ARHGEF3: variants seen among roughly 807,000 people sequenced by gnomAD.
The protein encoded by ARHGEF3 is Rho guanine nucleotide exchange factor 3.
Under a neutral mutation model 63.2 loss-of-function variants are expected in ARHGEF3, and 28 were observed. The ratio of observed to expected loss-of-function variants is 0.44; its 90% CI spans 0.33 to 0.61. The LOEUF is 0.61. Among genes scored for constraint, ARHGEF3 ranks in the 20% least tolerant of loss-of-function variants. ARHGEF3 has a pLI of 0.03. For synonymous variants in ARHGEF3, 266 were observed against 254.2 expected, an observed-to-expected ratio of 1.05 and a Z score of -0.44; for missense variants, 533 against 659.3, an observed-to-expected ratio of 0.81 and a Z score of 2.10.
At chr3:56,961,737 G>A (rs1013500150) in intron 2 of ARHGEF3, among the ~76,000 whole-genome samples, 2 of 152,030 alleles carry the variant, frequency 1.3e-5, no homozygotes, top group African/African-American at 4.8e-5. Flanking sequence ...ATTCACATTA[G>A]CTACAGTCCC....
At chr3:56,814,322 A>G (rs2108014341) in intron 4 of ARHGEF3, among the ~76,000 whole-genome samples, 1 of 152,202 alleles carries the variant, frequency 6.6e-6, no homozygotes, top group East Asian at 1.9e-4. Context: ...TAAGCTCATC[A>G]GCTATTGTTA....
intron 2 of ARHGEF3, among the ~76,000 whole-genome samples, chr3:56,771,129 T>A (rs1179858551): frequency 2.0e-5 from 3 of 150,838 alleles, no homozygotes. Context: ...AAAAAAAAAA[T>A]TATTTTGCCA....
chr3:57,010,653 T>C (rs1702659858), intron 2 of ARHGEF3, among the ~76,000 whole-genome samples: 2 of 152,156 alleles, frequency 1.3e-5, no homozygotes, highest in African/African-American at 4.8e-5. Flanking sequence ...ACATGCCAAC[T>C]TTAGGTGTGT....
chr3:56,737,385 G>A (rs755896805), intron 7 of ARHGEF3, 30 bp from the exon 8 acceptor site: 5 of 1,578,566 alleles, frequency 3.2e-6, no homozygotes, highest in Non-Finnish European at 4.3e-6. Flanking sequence ...AATTAAGTAT[G>A]GAGGAAAGCA....
At chr3:56,811,178 A>G (rs1160784291) in intron 4 of ARHGEF3, among the ~76,000 whole-genome samples, 1 of 152,232 alleles carries the variant, frequency 6.6e-6, no homozygotes, top group African/African-American at 2.4e-5. Context: ...TAAGCCACCC[A>G]CTAGGAGATG....
chr3:56,818,071 A>G (rs1315751779), intron 4 of ARHGEF3, among the ~76,000 whole-genome samples: 1 of 152,172 alleles, frequency 6.6e-6, no homozygotes, highest in Non-Finnish European at 1.5e-5. Flanking sequence ...AATCACTTAC[A>G]TTTTATACCC....
At chr3:56,965,913 G>A (rs1049639047) in intron 2 of ARHGEF3, among the ~76,000 whole-genome samples, 71 of 152,080 alleles carry the variant, frequency 4.7e-4, no homozygotes, top group African/African-American at 1.7e-3. Flanking sequence ...CTCCCAAAGT[G>A]CTGGGATTAC....
intron 4 of ARHGEF3, among the ~76,000 whole-genome samples, chr3:56,752,082 C>CT (rs11328785): frequency 7.6e-4 from 112 of 148,098 alleles, no homozygotes; most frequent in African/African-American, 1.9e-3. Flanking sequence ...ATATTTTTTT[C>CT]TTTTTTTTTT....
chr3:56,768,882 A>C (rs1033808073), intron 2 of ARHGEF3, among the ~76,000 whole-genome samples: 3 of 152,206 alleles, frequency 2.0e-5, no homozygotes, highest in Admixed American at 2.0e-4. Context: ...ATCCACAGTC[A>C]CTGTGGGAGG....
At chr3:56,972,533 T>C (rs1224549983) in intron 2 of ARHGEF3, among the ~76,000 whole-genome samples, 1 of 151,700 alleles carries the variant, frequency 6.6e-6, no homozygotes, top group Admixed American at 6.6e-5. Flanking sequence ...CAAAGCAGGG[T>C]AGGGGATCGG....
intron 4 of ARHGEF3, among the ~76,000 whole-genome samples, chr3:56,824,054 G>C (rs1309680330): frequency 6.6e-6 from 1 of 151,602 alleles, no homozygotes; most frequent in Admixed American, 6.6e-5. Context: ...CAGTCCTTCA[G>C]GGAGTTAGTG....
chr3:56,861,095 G>A (rs992928726), intron 4 of ARHGEF3, among the ~76,000 whole-genome samples: 2 of 152,222 alleles, frequency 1.3e-5, no homozygotes, highest in African/African-American at 4.8e-5. Context: ...AAGAAACCAT[G>A]TCGGCTTTAG....
chr3:56,737,053 G>T (rs2033671048), intron 8 of ARHGEF3, 132 bp downstream of exon 8: 1 of 1,054,414 alleles, frequency 9.5e-7, no homozygotes, highest in Non-Finnish European at 1.3e-6. Context: ...CAGCCTGGGT[G>T]ACAAAGCGAG....
intron 3 of ARHGEF3, among the ~76,000 whole-genome samples, chr3:56,896,680 T>C (rs1003857868): frequency 1.3e-5 from 2 of 152,246 alleles, no homozygotes; most frequent in African/African-American, 4.8e-5. Context: ...AGTTACGTTG[T>C]ATAATTTCCC....
intron 4 of ARHGEF3, among the ~76,000 whole-genome samples, chr3:56,840,247 A>G (rs1245468419): frequency 6.6e-6 from 1 of 152,190 alleles, no homozygotes; most frequent in Non-Finnish European, 1.5e-5. Flanking sequence ...ACAACAGGAA[A>G]AAACACCCCC....
chr3:57,034,240 C>T (rs1703855313), intron 2 of ARHGEF3, among the ~76,000 whole-genome samples: 1 of 150,518 alleles, frequency 6.6e-6, no homozygotes, highest in Non-Finnish European at 1.5e-5. Flanking sequence ...CTGAGGCAAT[C>T]CTCTTGCCTC....
At position 56,924,282 on chromosome 3, in the gene ARHGEF3, A is replaced by T. The variant is rs1266940071; in HGVS notation, c.129+34541T>A. ...CCAAATTCAGCACTCTTTTTAAAAAAATCATTGTCTAAGAGGAAAGCAGTC... is the reference window on the plus strand; with the variant it reads ...CCAAATTCAGCACTCTTTTTAAAAATATCATTGTCTAAGAGGAAAGCAGTC... On this transcript the variant is annotated intron_variant, in intron 3 of 12. Coordinates refer to the ARHGEF3 transcript ENST00000338458. Among the ~76,000 whole-genome samples, 10 of 152,216 alleles carry T rather than the reference A, an allele frequency of 6.6e-5. No homozygotes were observed. In the East Asian group the frequency reaches 1.9e-3, roughly 29 times the overall value.
At chr3:56,862,710 T>C (rs1459983934) in intron 4 of ARHGEF3, among the ~76,000 whole-genome samples, 1 of 152,186 alleles carries the variant, frequency 6.6e-6, no homozygotes, top group African/African-American at 2.4e-5. Context: ...GAAAATGCTA[T>C]CAACACTCCT....
At chr3:56,767,583 CAAAAAAA>C (rs541314948) in intron 2 of ARHGEF3, among the ~76,000 whole-genome samples, 35,396 of 77,278 alleles carry the variant, frequency 0.46, 5,177 homozygotes, top group Middle Eastern at 0.64. Flanking sequence ...GACTCCGTCT[CAAAAAAA>C]AAAAAAAAAA....
Sources: allele counts gnomAD v4.1 joint callset (sites outside exome capture counted in the v4.1 genomes callset), GRCh38; gene constraint gnomAD v4.1.1; transcripts MANE v1.5; gene names NCBI Gene and HGNC (gene_info 2026-07-23, HGNC 2026-07-21).